Variants in GREP1 observed in about 807,000 individuals in gnomAD.
The protein encoded by GREP1 is glycine rich extracellular protein 1, also known as glycine-rich extracellular protein 1.
intron 25 of GREP1, 68 bp from the exon 24 acceptor site, chr16:2,998,780 C>G (rs2072441935): frequency 2.5e-6 from 1 of 398,836 alleles, no homozygotes; most frequent in South Asian, 1.3e-4. Flanking sequence ...AGGCCAAGGC[C>G]TCCTGGGTGG....
Position 2,989,652 on chromosome 16 carries a change from GGGGGAAGCAGTCGTCTCAGAAATACAT to G in GREP1, c.130+106_130+132del, listed in dbSNP as rs2072388730. ...GAAAGCTGGGCGGGGGGCAGGTAAA[GGGGGAAGCAGTCGTCTCAGAAATACAT>G]GGGGACAGAGCATAGCCCCAGAGTG... On this transcript the variant is annotated intron_variant, in intron 3 of 34. Transcript: ENST00000573315. This position sits in a 1 kb window ranked among gnomAD's most constrained non-coding sequence, Gnocchi z 4.2. The G allele has an allele frequency of 5.0e-6, 2 of 399,182 alleles. No individual in the cohort carries two copies. The highest frequency in any genetic ancestry group is 6.2e-4 in the Middle Eastern group (1 of 1,618). 24.7% of individuals were successfully genotyped at this position (399,182 alleles called of 1,614,324 possible). A position where few individuals can be genotyped will look rare whatever the true frequency, so the allele number is the denominator to read the frequency against.
chr16:2,995,752 T>G, exon 17 of GREP1: 1 of 398,696 alleles, frequency 2.5e-6, no homozygotes, highest in Non-Finnish European at 4.4e-6. Flanking sequence ...TTGGAGGGAA[T>G]GTGAAGCCTC....
At chr16:2,995,684 G>C (rs1417944164) in intron 16 of GREP1, 30 bp downstream of exon 16, 3 of 398,708 alleles carry the variant, frequency 7.5e-6, no homozygotes, top group Admixed American at 8.8e-5. Context: ...GGGGCTGGGG[G>C]AGAATGTGGG....
chr16:2,995,829 A>C (rs192378366), intron 17 of GREP1, 58 bp downstream of exon 17: 20 of 397,652 alleles, frequency 5.0e-5, no homozygotes, highest in Non-Finnish European at 1.8e-5. Flanking sequence ...AGCCATAAGC[A>C]CTCTACTCAT....
At chr16:2,999,744 G>A (rs913859813) in intron 27 of GREP1, among the ~76,000 whole-genome samples, 158 bp from the exon 25 acceptor site, 2 of 152,156 alleles carry the variant, frequency 1.3e-5, no homozygotes, top group Admixed American at 6.5e-5. Flanking sequence ...GAGCCACTGC[G>A]CCCAGTCTCT....
At chr16:3,001,297 G>A in exon 34 of GREP1, 1 of 399,170 alleles carries the variant, frequency 2.5e-6, no homozygotes, top group Non-Finnish European at 4.4e-6. Context: ...CCGACGTGAA[G>A]AGAGGCAGCA....
Position 2,991,507 on chromosome 16 carries a change from T to G in GREP1, c.322+406T>G. ...GGTTTAGGGTCCCAACCCTCATTCTTAGGGGAGGAGCTCTTAGGGTCAATG... is the reference window on the plus strand; with the variant it reads ...GGTTTAGGGTCCCAACCCTCATTCTGAGGGGAGGAGCTCTTAGGGTCAATG... On this transcript the variant is annotated intron_variant, in intron 8 of 34. Coordinates refer to ENST00000573315, the Ensembl canonical transcript of GREP1. This position sits in a 1 kb window ranked among gnomAD's most constrained non-coding sequence, Gnocchi z 4.9. 1 of 167,018 alleles carries G rather than the reference T, an allele frequency of 6.0e-6. No homozygotes were observed. Among genetic ancestry groups the G allele is most frequent in the Non-Finnish European group, 1.3e-5 (1 of 78,270 alleles). 10.3% of individuals were successfully genotyped at this position (167,018 alleles called of 1,614,324 possible). A position where few individuals can be genotyped will look rare whatever the true frequency, so the allele number is the denominator to read the frequency against.
chr16:2,994,978 T>G lies in GREP1; in HGVS notation c.484+16T>G. On this transcript the variant is annotated intron_variant, in intron 13 of 34. Coordinates refer to ENST00000573315, the Ensembl canonical transcript of GREP1. ...GCCCAGCCAGGTGAAGGGGGTACAG[T>G]CTGGGGTTCCAGGGTCTGCATCTGG... is the stretch of plus-strand genomic sequence containing the variant. 1 of 399,232 alleles carries G rather than the reference T, an allele frequency of 2.5e-6. No homozygotes were observed. The highest frequency in any genetic ancestry group is 3.6e-5 in the East Asian group (1 of 28,074). 24.7% of individuals were successfully genotyped at this position (399,232 alleles called of 1,614,324 possible). A position where few individuals can be genotyped will look rare whatever the true frequency, so the allele number is the denominator to read the frequency against.
At chr16:3,000,374 CG>C in intron 30 of GREP1, 1 of 399,140 alleles carries the variant, frequency 2.5e-6, no homozygotes, top group Non-Finnish European at 4.4e-6. Flanking sequence ...GAGCAGGGGT[CG>C]GGGTGGGAGA....
chr16:3,000,761 TG>T lies in GREP1; in HGVS notation c.1471del (p.Ala491ProfsTer3), dbSNP rs2072457215. Reference sequence around the variant, plus strand: ...CTCTCGCTGGCCCACCCTCCAGGCCTGGGGGGCCGGCTTGAAGCCTGGATAT... The same window carrying T: ...CTCTCGCTGGCCCACCCTCCAGGCCTGGGGGCCGGCTTGAAGCCTGGATAT... On this transcript the variant is annotated frameshift_variant, in exon 33 of 35. Transcript: ENST00000573315. LOFTEE classifies it high-confidence loss of function. 5.0e-6 allele frequency: 2 copies of T among 398,894 alleles called. No homozygotes were observed. The highest frequency in any genetic ancestry group is 8.8e-6 in the Non-Finnish European group (2 of 226,070). 24.7% of individuals were successfully genotyped at this position (398,894 alleles called of 1,614,324 possible).
Position 2,998,436 on chromosome 16 carries a change from A to T in GREP1, c.982+48A>T, listed in dbSNP as rs151037722. ...TGCCCCACACCTCCTTCTGCCTCTC[A>T]GCCCTTCTAGCCTCTGCCCCCAGTG... On this transcript the variant is annotated intron_variant, in intron 24 of 34. Transcript: ENST00000573315. 652 of 399,056 alleles carry T rather than the reference A, an allele frequency of 1.6e-3. 11 individuals carry two copies. In the East Asian group the frequency reaches 0.02, roughly 12 times the overall value. The allele number at this position is 399,056 out of a possible 1,614,324, so 24.7% of individuals were successfully genotyped here. A position where few individuals can be genotyped will look rare whatever the true frequency, so the allele number is the denominator to read the frequency against.
chr16:2,995,037 A>G, intron 13 of GREP1, 75 bp downstream of exon 14: 1 of 398,614 alleles, frequency 2.5e-6, no homozygotes, highest in Non-Finnish European at 4.4e-6. Flanking sequence ...GGATTGGTGA[A>G]TGATGGAGAG....
intron 27 of GREP1, chr16:2,999,434 G>A (rs910231233): frequency 1.1e-5 from 4 of 380,636 alleles, no homozygotes; most frequent in Non-Finnish European, 9.3e-6. Context: ...AGCTATTCAG[G>A]CACCCGAAGG....
At chr16:2,996,168 G>C (rs1347838839) in intron 18 of GREP1, among the ~76,000 whole-genome samples, 1 of 152,144 alleles carries the variant, frequency 6.6e-6, no homozygotes, top group Non-Finnish European at 1.5e-5. Context: ...CCTGACCTCA[G>C]ATGATCCACC....
At chr16:2,998,127 C>A (rs1292307545) in intron 23 of GREP1, among the ~76,000 whole-genome samples, 1 of 152,032 alleles carries the variant, frequency 6.6e-6, no homozygotes. Context: ...GAGCCAGAAA[C>A]CTCCAAAGCC....
chr16:2,997,572 G>A lies in GREP1; in HGVS notation c.916+154G>A, dbSNP rs144858710. ...AGGAGGCGGCACAAGGGGGAGGGAGGTGCTGGGAGCTCCAGTTCCTAAATT... is the reference window on the plus strand; with the variant it reads ...AGGAGGCGGCACAAGGGGGAGGGAGATGCTGGGAGCTCCAGTTCCTAAATT... On this transcript the variant is annotated intron_variant, in intron 22 of 34. Coordinates refer to ENST00000573315, the Ensembl canonical transcript of GREP1. 6.8e-3 allele frequency among the ~76,000 whole-genome samples: 1,032 copies of A among 152,146 alleles called. 8 individuals are homozygous for A. The highest frequency in any genetic ancestry group is 0.024 in the African/African-American group (988 of 41,482).
chr16:2,996,706 G>A lies in GREP1; in HGVS notation c.745+1G>A. On this transcript the variant is annotated splice_donor_variant, in intron 20 of 34. Transcript: ENST00000573315. LOFTEE classifies it high-confidence loss of function. Reference sequence around the variant, plus strand: ...GCGGGGATGAAGCCTCAGATGCCAGGTGAGGGGACTGCCTGTGTCTGTGGC... The same window carrying A: ...GCGGGGATGAAGCCTCAGATGCCAGATGAGGGGACTGCCTGTGTCTGTGGC... 5.0e-6 allele frequency: 2 copies of A among 399,000 alleles called. No homozygotes were observed. The highest frequency in any genetic ancestry group is 3.6e-5 in the East Asian group (1 of 28,078). The allele number at this position is 399,000 out of a possible 1,614,324, so 24.7% of individuals were successfully genotyped here.
At chr16:2,997,757 C>G in intron 22 of GREP1, 46 bp from the exon 21 acceptor site, 1 of 398,522 alleles carries the variant, frequency 2.5e-6, no homozygotes, top group Non-Finnish European at 4.4e-6. Context: ...AGAGACCCCT[C>G]AGTGAGGAGT....
At position 2,998,983 on chromosome 16, in the gene GREP1, A is replaced by T; in HGVS notation, c.1144+4A>T. ...GTGCAGAATGGCAAGTTACCAGGTC[A>T]GTGTGGAGTGGGGGTGCCTAGGGGG... On this transcript the variant is annotated splice_donor_region_variant and intron_variant, in intron 26 of 34. Transcript: ENST00000573315. The T allele has an allele frequency of 5.0e-6, 2 of 399,122 alleles. No individual in the cohort carries two copies. Among genetic ancestry groups the T allele is most frequent in the Non-Finnish European group, 8.8e-6 (2 of 226,106 alleles). 24.7% of individuals were successfully genotyped at this position (399,122 alleles called of 1,614,324 possible).
Sources: allele counts gnomAD v4.1 joint callset (sites outside exome capture counted in the v4.1 genomes callset), GRCh38; gene constraint gnomAD v4.1.1; non-coding constraint Gnocchi (gnomAD v3.1); transcripts MANE v1.5; gene names NCBI Gene and HGNC (gene_info 2026-07-23, HGNC 2026-07-21).